FAM227B: variants seen among roughly 807,000 people sequenced by gnomAD.
FAM227B encodes the protein protein FAM227B.
FAM227B carries 88 observed loss-of-function variants against 73.8 expected under a neutral mutation model. The ratio of observed to expected loss-of-function variants is 1.19; its 90% confidence interval spans 1.00 to 1.42. The LOEUF (loss-of-function observed/expected upper bound fraction) is 1.42, where lower values mean the gene tolerates loss of function less well. FAM227B is among the 40% of genes most tolerant of loss of function. FAM227B has a pLI of 0.00. For missense variants in FAM227B, 632 were observed against 590.9 expected, an observed-to-expected ratio of 1.07 and a Z score of -0.72; for synonymous variants, 210 against 190.5, an observed-to-expected ratio of 1.10 and a Z score of -0.84.
chr15:49,354,591 G>C (rs1170718173), intron 13 of FAM227B, among the ~76,000 whole-genome samples: 2 of 152,184 alleles, frequency 1.3e-5, no homozygotes, highest in Non-Finnish European at 2.9e-5. Context: ...GGCTGGAAGG[G>C]TCCTACGCCC....
chr15:49,355,954 G>T (rs982297494), intron 13 of FAM227B, among the ~76,000 whole-genome samples: 1 of 151,380 alleles, frequency 6.6e-6, no homozygotes, highest in African/African-American at 2.4e-5. Flanking sequence ...TTAAAGAAAA[G>T]AATTTTCAAC....
At chr15:49,395,067 C>T (rs1194124826) in intron 11 of FAM227B, among the ~76,000 whole-genome samples, 2 of 152,092 alleles carry the variant, frequency 1.3e-5, no homozygotes, top group East Asian at 3.9e-4. Flanking sequence ...AGAGTCTGAA[C>T]ATTTTTGCTT....
At chr15:49,331,509 G>A (rs117781634) in intron 15 of FAM227B, 4,315 of 385,608 alleles carry the variant, frequency 0.011, 87 homozygotes, top group South Asian at 0.065. Context: ...GTGATTATTA[G>A]TTTGTAATTC....
At chr15:49,544,685 G>C (rs904217544) in intron 9 of FAM227B, among the ~76,000 whole-genome samples, 1 of 151,972 alleles carries the variant, frequency 6.6e-6, no homozygotes, top group East Asian at 1.9e-4. Context: ...TCTCCTCTTT[G>C]CCAATTTTGC....
chr15:49,610,764 T>C (rs73406011), intron 3 of FAM227B, among the ~76,000 whole-genome samples: 4,364 of 152,254 alleles, frequency 0.029, 218 homozygotes, highest in African/African-American at 0.1. Context: ...GTCAGTAATT[T>C]TGCATAACAA....
At chr15:49,537,941 G>A (rs1272443116) in intron 10 of FAM227B, among the ~76,000 whole-genome samples, 2 of 152,110 alleles carry the variant, frequency 1.3e-5, no homozygotes, top group Admixed American at 1.3e-4. Context: ...TGAATGGGAT[G>A]ATAAAGGTTA....
intron 11 of FAM227B, chr15:49,424,191 C>T: frequency 9.9e-7 from 1 of 1,009,598 alleles, no homozygotes; most frequent in Non-Finnish European, 1.5e-6. Context: ...TTTCTTAAAT[C>T]AATCTACAAT....
chr15:49,601,708 T>C (rs527611613), intron 3 of FAM227B, among the ~76,000 whole-genome samples: 32 of 152,326 alleles, frequency 2.1e-4, no homozygotes, highest in African/African-American at 7.5e-4. Context: ...ACTCACCTTA[T>C]TGTGCTATCA....
At position 49,327,877 on chromosome 15, in the gene FAM227B, G is replaced by A. The variant is rs1201193721; in HGVS notation, c.*691C>T. 4.3e-6 allele frequency: 6 copies of A among 1,403,288 alleles called. No homozygotes were observed. The highest frequency in any genetic ancestry group is 3.8e-4 in the Middle Eastern group (2 of 5,292). The allele number at this position is 1,403,288 out of a possible 1,614,324, so 86.9% of individuals were successfully genotyped here. On this transcript the variant is annotated 3_prime_UTR_variant, in exon 16 of 16. Transcript: ENST00000299338. ...TCTTCTTAGAACTTAGATAGGCTAT[G>A]TGTTCTACAAACACCAAGCAAATCC...
At chr15:49,393,166 G>C (rs2047332748) in intron 11 of FAM227B, among the ~76,000 whole-genome samples, 1 of 152,192 alleles carries the variant, frequency 6.6e-6, no homozygotes. Flanking sequence ...GTCAGTGTAT[G>C]TACACTTTAT....
chr15:49,444,783 C>T (rs955639826), intron 11 of FAM227B, among the ~76,000 whole-genome samples: 1 of 151,602 alleles, frequency 6.6e-6, no homozygotes, highest in Non-Finnish European at 1.5e-5. Flanking sequence ...ATCTATCATT[C>T]AAGAATCAAT....
chr15:49,547,791 T>C (rs974755933), intron 9 of FAM227B, among the ~76,000 whole-genome samples: 2 of 152,186 alleles, frequency 1.3e-5, no homozygotes, highest in African/African-American at 4.8e-5. Context: ...TAAACTTATA[T>C]GCATCTAACA....
At chr15:49,403,098 T>C (rs2048285066) in intron 11 of FAM227B, among the ~76,000 whole-genome samples, 2 of 152,218 alleles carry the variant, frequency 1.3e-5, no homozygotes, top group South Asian at 4.1e-4. Context: ...TTTGTGTATG[T>C]TGAACCAACC....
At chr15:49,494,256 A>ACACACACAC (rs1467706350) in intron 11 of FAM227B, among the ~76,000 whole-genome samples, 14 of 140,606 alleles carry the variant, frequency 1.0e-4, no homozygotes, top group African/African-American at 3.3e-4. Flanking sequence ...GAGACACACA[A>ACACACACAC]ACACACACAC....
In FAM227B at chr15:49,479,599, G is replaced by GTTTTTTTT. The variant is rs56097665; in HGVS notation, c.1012+28604_1012+28611dup. Among the ~76,000 whole-genome samples, 220 of 63,324 alleles carry GTTTTTTTT rather than the reference G, an allele frequency of 3.5e-3. 32 individuals carry two copies. The highest frequency in any genetic ancestry group is 0.013 in the African/African-American group (215 of 15,944). The allele number at this position is 63,324 out of a possible 152,430, so 41.5% of individuals were successfully genotyped here. On this transcript the variant is annotated intron_variant, in intron 11 of 15. Coordinates refer to ENST00000299338, the MANE Select transcript of FAM227B (RefSeq NM_152647.3). ...GTAGGATTTCATAGTTAATACCTCTGTTTTTTTTTTTTTTTTTTTTTTTTT... is the reference window on the plus strand; with the variant it reads ...GTAGGATTTCATAGTTAATACCTCTGTTTTTTTTTTTTTTTTTTTTTTTTTTTTTTTTT...
At chr15:49,592,317 T>C (rs2076628410) in intron 3 of FAM227B, among the ~76,000 whole-genome samples, 1 of 152,214 alleles carries the variant, frequency 6.6e-6, no homozygotes, top group Non-Finnish European at 1.5e-5. Context: ...CTAACTTTGG[T>C]CTTTGATGTT....
intron 11 of FAM227B, among the ~76,000 whole-genome samples, chr15:49,420,351 C>A (rs532900335): frequency 6.6e-6 from 1 of 151,552 alleles, no homozygotes; most frequent in African/African-American, 2.4e-5. Flanking sequence ...ATAACAAAAA[C>A]AAAAATGTGA....
chr15:49,533,088 T>C (rs897234595), intron 10 of FAM227B, among the ~76,000 whole-genome samples: 3 of 151,962 alleles, frequency 2.0e-5, no homozygotes, highest in African/African-American at 4.8e-5. Context: ...TTTTGATATG[T>C]TGCTTCCATT....
At chr15:49,503,683 C>A (rs1004044850) in intron 11 of FAM227B, among the ~76,000 whole-genome samples, 1 of 152,140 alleles carries the variant, frequency 6.6e-6, no homozygotes, top group Non-Finnish European at 1.5e-5. Flanking sequence ...AAATGCTCAT[C>A]ATCACTGGCC....
Sources: allele counts gnomAD v4.1 joint callset (sites outside exome capture counted in the v4.1 genomes callset), GRCh38; gene constraint gnomAD v4.1.1; transcripts MANE v1.5; gene names NCBI Gene and HGNC (gene_info 2026-07-23, HGNC 2026-07-21).